Variants in UBASH3A observed in about 807,000 individuals in gnomAD.
The protein encoded by UBASH3A is ubiquitin-associated and SH3 domain-containing protein A.
A neutral mutation model predicts 73.5 loss-of-function variants in UBASH3A; 63 were observed. That is an observed-to-expected ratio of 0.86 (90% CI 0.70 to 1.06). The LOEUF (loss-of-function observed/expected upper bound fraction) is 1.06, where lower values mean the gene tolerates loss of function less well. Ranked by LOEUF, UBASH3A falls within the 50% of genes least tolerant of loss-of-function variation. UBASH3A has a pLI of 0.00. For synonymous variants in UBASH3A, 363 were observed against 351.1 expected (o/e 1.03, Z -0.38); for missense variants, 860 against 859.0 (o/e 1.00, Z -0.02).
chr21:42,412,771 G>A (rs2053125978), intron 3 of UBASH3A, among the ~76,000 whole-genome samples: 1 of 152,156 alleles, frequency 6.6e-6, no homozygotes, highest in Admixed American at 6.5e-5. Flanking sequence ...CAACGACCAG[G>A]GGATTTCCAA....
Position 42,409,709 on chromosome 21 carries a change from T to C in UBASH3A, c.354+101T>C, listed in dbSNP as rs990855227. 2.8e-5 allele frequency: 31 copies of C among 1,113,776 alleles called. No homozygotes were observed. The African/African-American group carries it at 4.7e-4, about 17-fold the overall frequency. The allele number at this position is 1,113,776 out of a possible 1,614,324, so 69.0% of individuals were successfully genotyped here. On this transcript the variant is annotated intron_variant, in intron 3 of 14. Coordinates refer to ENST00000319294, the MANE Select transcript of UBASH3A (RefSeq NM_018961.4). ...ACAAAGTTGACTTATTTAAATGGGA[T>C]AGTCCAGAACTGCATCATTAGCTGG...
chr21:42,431,614 A>G (rs1418335993), intron 8 of UBASH3A, among the ~76,000 whole-genome samples: 1 of 152,254 alleles, frequency 6.6e-6, no homozygotes, highest in Non-Finnish European at 1.5e-5. Flanking sequence ...AGCAGAATTC[A>G]TACCTGGGAG....
intron 8 of UBASH3A, 48 bp from the exon 9 acceptor site, chr21:42,432,055 A>G: frequency 8.4e-7 from 1 of 1,197,002 alleles, no homozygotes; most frequent in Non-Finnish European, 1.2e-6. Flanking sequence ...AAGTCCAGTG[A>G]GTTGGATGTT....
At position 42,443,345 on chromosome 21, in the gene UBASH3A, C is replaced by G. The variant is rs61735846; in HGVS notation, c.1665C>G (p.Ala555=). 3.1e-6 allele frequency: 5 copies of G among 1,613,106 alleles called. No homozygotes were observed. In the Admixed American group the frequency reaches 5.0e-5, roughly 16 times the overall value. ...TTCCCCTGTCCGCCCTCATGCCGGCCGAGAGCTACCAGGAGTACATGGACA... is the reference window on the plus strand; with the variant it reads ...TTCCCCTGTCCGCCCTCATGCCGGCGGAGAGCTACCAGGAGTACATGGACA... ...PAFPLSALMP[A]ESYQEYMDRC... Residue 555 remains alanine (A), a synonymous_variant, in exon 13 of 15, where the codon GCC becomes GCG. Transcript: ENST00000319294.
At position 42,418,561 on chromosome 21, in the gene UBASH3A, A is replaced by C; in HGVS notation, c.998A>C (p.Glu333Ala). The change falls in exon 7 of 15, where the codon GAA becomes GCA. Residue 333 changes from glutamate (E) to alanine (A), a missense_variant. Coordinates refer to ENST00000319294, the MANE Select transcript of UBASH3A (RefSeq NM_018961.4). Reference protein sequence around the residue: ...QRTGCRGFLPENYTDRASESD... With the variant: ...QRTGCRGFLPANYTDRASESD... ...ACGGGCTGCCGGGGCTTCCTGCCGG[A>C]AAACTACACGGATCGAGCCAGTGAG... The C allele has an allele frequency of 1.2e-6, 2 of 1,614,196 alleles. No individual in the cohort carries two copies. The highest frequency in any genetic ancestry group is 1.7e-6 in the Non-Finnish European group (2 of 1,180,030).
At chr21:42,415,094 T>C (rs2053175522) in intron 5 of UBASH3A, among the ~76,000 whole-genome samples, 1 of 152,192 alleles carries the variant, frequency 6.6e-6, no homozygotes, top group Non-Finnish European at 1.5e-5. Flanking sequence ...CCGAGGTCCC[T>C]CTTGGGGCAA....
chr21:42,405,434 A>C (rs908843674), intron 1 of UBASH3A, among the ~76,000 whole-genome samples: 2 of 152,190 alleles, frequency 1.3e-5, no homozygotes, highest in African/African-American at 2.4e-5. Flanking sequence ...TCTACTCAAA[A>C]TTCCTTCCAG....
intron 3 of UBASH3A, among the ~76,000 whole-genome samples, chr21:42,411,922 G>A (rs1451573196): frequency 6.6e-6 from 1 of 152,232 alleles, no homozygotes; most frequent in Non-Finnish European, 1.5e-5. Flanking sequence ...AAAACAGACA[G>A]GGAGGAATGT....
At position 42,442,973 on chromosome 21, in the gene UBASH3A, C is replaced by A. The variant is rs534860990; in HGVS notation, c.1632-339C>A. ...TCTTGCTAAACTCACTCTGCAAGAA[C>A]AGACACAGAAGCCCAAGGGTCAAGA... On this transcript the variant is annotated intron_variant, in intron 12 of 14. Transcript: ENST00000319294. Among the ~76,000 whole-genome samples the A allele has an allele frequency of 2.0e-5, 3 of 152,292 alleles. No individual in the cohort carries two copies. The South Asian group carries it at 6.2e-4, about 32-fold the overall frequency.
In UBASH3A at chr21:42,447,107, A is replaced by G. The variant is rs756557799; in HGVS notation, c.1899A>G (p.Lys633=). 1.2e-6 allele frequency: 2 copies of G among 1,613,966 alleles called. No individual in the cohort carries two copies. The highest frequency in any genetic ancestry group is 1.7e-6 in the Non-Finnish European group (2 of 1,179,932). ...CFCEENKEEG[K]WELVNPPVKT... ...GTGAAGAAAATAAAGAGGAAGGAAA[A>G]TGGGAGTTGGTGAACCCACCGGTGA... The change falls in exon 15 of 15, where the codon AAA becomes AAG. Residue 633 remains lysine (K), a synonymous_variant. Transcript: ENST00000319294.
intron 8 of UBASH3A, among the ~76,000 whole-genome samples, chr21:42,431,833 G>A (rs140391588): frequency 6.6e-6 from 1 of 152,326 alleles, no homozygotes; most frequent in Admixed American, 6.5e-5. Flanking sequence ...GTAGAAAAAC[G>A]GATGTGTCAT....
intron 3 of UBASH3A, among the ~76,000 whole-genome samples, chr21:42,412,451 A>G (rs9975418): frequency 0.16 from 23,780 of 152,200 alleles, 2,455 homozygotes; most frequent in South Asian, 0.25. Context: ...GGAGACGCAC[A>G]GGGGAGAGAC....
intron 9 of UBASH3A, among the ~76,000 whole-genome samples, chr21:42,432,489 C>G (rs76232709): frequency 0.017 from 2,416 of 140,220 alleles, 80 homozygotes; most frequent in African/African-American, 0.066. Context: ...ATGCCTCTTG[C>G]ACACCCCAGC....
rs1301236284 is a variant in UBASH3A at position 42,416,527 on chromosome 21, G to C, written c.753G>C (p.Gln251His). 2 of 1,611,460 alleles carry C rather than the reference G, an allele frequency of 1.2e-6. No individual in the cohort carries two copies. The highest frequency in any genetic ancestry group is 2.2e-5 in the South Asian group (2 of 90,530). The change falls in exon 6 of 15, where the codon CAG (glutamine) becomes CAC (histidine). Residue 251 changes from glutamine to histidine, a missense_variant. By Grantham distance (24) the Gln-to-His change is conservative (BLOSUM62 0). Transcript: ENST00000319294. ...CCCACCACCAGAGGACGCTGGAGCA[G>C]CTGGCCAGAGCCATCCCCCTGGGCC... ...FYPHHQRTLE[Q>H]LARAIPLGHS...
chr21:42,414,312 C>A (rs915207329), intron 5 of UBASH3A, among the ~76,000 whole-genome samples: 1 of 152,154 alleles, frequency 6.6e-6, no homozygotes, highest in Non-Finnish European at 1.5e-5. Context: ...GTCTGGAGAT[C>A]GAATCTGCTG....
chr21:42,431,397 G>T (rs918149270), intron 8 of UBASH3A, among the ~76,000 whole-genome samples: 1 of 152,272 alleles, frequency 6.6e-6, no homozygotes, highest in Admixed American at 6.5e-5. Flanking sequence ...GCCATCCTGC[G>T]GCTGCCTGAG....
chr21:42,431,294 G>A (rs367971928), intron 8 of UBASH3A, among the ~76,000 whole-genome samples: 4 of 152,168 alleles, frequency 2.6e-5, no homozygotes, highest in African/African-American at 7.2e-5. Flanking sequence ...AGCCAGCCTC[G>A]CTGCCCCAAG....
chr21:42,447,275 G>A lies in UBASH3A; in HGVS notation c.*81G>A. The A allele has an allele frequency of 6.8e-7, 1 of 1,472,226 alleles. No individual in the cohort carries two copies. The highest frequency in any genetic ancestry group is 2.3e-5 in the East Asian group (1 of 43,364). The allele number at this position is 1,472,226 out of a possible 1,614,324, so 91.2% of individuals were successfully genotyped here. ...AGGCTGGGAGATGCTGCTGTTTCCA[G>A]AGGCGTCTTAGTCTCACCCAATGTG... is the stretch of plus-strand genomic sequence containing the variant. On this transcript the variant is annotated 3_prime_UTR_variant, in exon 15 of 15. Transcript: ENST00000319294.
At chr21:42,426,923 T>C (rs2053445994) in intron 8 of UBASH3A, 103 bp downstream of exon 8, 2 of 1,420,190 alleles carry the variant, frequency 1.4e-6, no homozygotes, top group Admixed American at 2.0e-5. Context: ...TTTTGTTCCA[T>C]AGACACATCC....
Sources: allele counts gnomAD v4.1 joint callset (sites outside exome capture counted in the v4.1 genomes callset), GRCh38; gene constraint gnomAD v4.1.1; transcripts MANE v1.5; gene names NCBI Gene and HGNC (gene_info 2026-07-23, HGNC 2026-07-21).